The following AGBL4 variants were observed in gnomAD, a reference collection of about 807,000 sequenced individuals.
The protein encoded by AGBL4 is AGBL carboxypeptidase 4.
Under a neutral mutation model 66.4 loss-of-function variants are expected in AGBL4, and 58 were observed. The observed-to-expected ratio is 0.87, with a 90% confidence interval of 0.71 to 1.09. AGBL4 has a LOEUF of 1.09. Among genes scored for constraint, AGBL4 ranks in the 50% least tolerant of loss-of-function variants. AGBL4 has a pLI of 0.00. For synonymous variants in AGBL4, 234 were observed against 222.9 expected (o/e 1.05, Z -0.44); for missense variants, 579 against 631.0 (o/e 0.92, Z 0.88).
At chr1:48,559,184 C>CA (rs1644361793) in intron 11 of AGBL4, among the ~76,000 whole-genome samples, 1 of 152,174 alleles carries the variant, frequency 6.6e-6, no homozygotes, top group Non-Finnish European at 1.5e-5. Context: ...CCAAGCAGAA[C>CA]TGCTGATGGC....
At chr1:49,916,141 G>A (rs891054165) in intron 1 of AGBL4, among the ~76,000 whole-genome samples, 24 of 152,140 alleles carry the variant, frequency 1.6e-4, no homozygotes, top group Non-Finnish European at 3.1e-4. Context: ...GGAAAAAACA[G>A]AGCAGAAAAG....
chr1:49,722,873 G>T (rs1648718296), intron 2 of AGBL4, among the ~76,000 whole-genome samples: 1 of 152,036 alleles, frequency 6.6e-6, no homozygotes, highest in African/African-American at 2.4e-5. Context: ...TGAGGAATGT[G>T]AGCCCCTTTT....
chr1:49,169,835 C>G (rs188244538), intron 4 of AGBL4, among the ~76,000 whole-genome samples: 1 of 152,218 alleles, frequency 6.6e-6, no homozygotes, highest in East Asian at 1.9e-4. Context: ...GACCAGAATC[C>G]AAGTTTGCAT....
intron 3 of AGBL4, among the ~76,000 whole-genome samples, chr1:49,565,444 G>A (rs1265325262): frequency 6.6e-6 from 1 of 152,128 alleles, no homozygotes; most frequent in Non-Finnish European, 1.5e-5. Flanking sequence ...GCTGGTACTG[G>A]TTGTTCCCTT....
chr1:49,148,088 T>C lies in AGBL4; in HGVS notation c.377+97682A>G, dbSNP rs542032563. On this transcript the variant is annotated intron_variant, in intron 4 of 13. Transcript: ENST00000371839. ...CCATGGGTAAATCACCTCACTTCTC[T>C]GAGCCTTGATTTCTTCATATCATCA... Among the ~76,000 whole-genome samples, 36 of 152,326 alleles carry C rather than the reference T, an allele frequency of 2.4e-4. 1 individual carries two copies. In the South Asian group the frequency reaches 7.2e-3, roughly 31 times the overall value.
chr1:49,279,557 A>G (rs1003880619), intron 3 of AGBL4, among the ~76,000 whole-genome samples: 4 of 151,970 alleles, frequency 2.6e-5, no homozygotes, highest in Non-Finnish European at 5.9e-5. Flanking sequence ...TGGGAAAAAG[A>G]AGACCCGTCT....
chr1:48,688,957 C>T (rs994888585), intron 6 of AGBL4, among the ~76,000 whole-genome samples: 2 of 151,988 alleles, frequency 1.3e-5, no homozygotes, highest in Non-Finnish European at 1.5e-5. Context: ...TGGCATCTAT[C>T]AGGCAGTGGA....
At chr1:48,949,901 C>T (rs540964927) in intron 5 of AGBL4, among the ~76,000 whole-genome samples, 1 of 152,256 alleles carries the variant, frequency 6.6e-6, no homozygotes, top group East Asian at 1.9e-4. Context: ...TTTACCTAAA[C>T]AGGAAATTCT....
At chr1:48,913,527 G>A (rs573559336) in intron 5 of AGBL4, among the ~76,000 whole-genome samples, 16 of 152,062 alleles carry the variant, frequency 1.1e-4, no homozygotes, top group Admixed American at 7.2e-4. Context: ...TCATAGGAGC[G>A]TGAACCCTAT....
chr1:49,936,239 G>A (rs981406915), intron 1 of AGBL4, among the ~76,000 whole-genome samples: 35 of 152,156 alleles, frequency 2.3e-4, no homozygotes, highest in African/African-American at 6.3e-4. Flanking sequence ...GGGTATCAGC[G>A]ATGGAAGATG....
At chr1:49,963,656 G>T (rs1041155645) in intron 1 of AGBL4, among the ~76,000 whole-genome samples, 2 of 152,070 alleles carry the variant, frequency 1.3e-5, no homozygotes, top group African/African-American at 4.8e-5. Context: ...ACTGAATTCA[G>T]GGTTCTGAAT....
At chr1:49,024,478 C>T (rs1459578031) in intron 5 of AGBL4, among the ~76,000 whole-genome samples, 1 of 152,088 alleles carries the variant, frequency 6.6e-6, no homozygotes, top group Non-Finnish European at 1.5e-5. Context: ...TCATCTACTC[C>T]TTAATTTCTT....
At chr1:49,561,636 C>T (rs1401774978) in intron 3 of AGBL4, among the ~76,000 whole-genome samples, 3 of 152,064 alleles carry the variant, frequency 2.0e-5, no homozygotes, top group Non-Finnish European at 2.9e-5. Context: ...AGGACATGAA[C>T]TCATCATTTT....
intron 1 of AGBL4, among the ~76,000 whole-genome samples, chr1:49,999,169 C>G (rs1271147134): frequency 6.6e-6 from 1 of 151,226 alleles, no homozygotes; most frequent in Non-Finnish European, 1.5e-5. Context: ...GATCATATAC[C>G]CAGAAAACCC....
At chr1:49,749,866 A>G (rs1035751743) in intron 2 of AGBL4, among the ~76,000 whole-genome samples, 8 of 152,284 alleles carry the variant, frequency 5.3e-5, no homozygotes, top group African/African-American at 1.9e-4. Flanking sequence ...TACATCGTAT[A>G]TGAAAATGTA....
intron 3 of AGBL4, among the ~76,000 whole-genome samples, chr1:49,382,495 G>A (rs1644641255): frequency 1.3e-5 from 2 of 151,736 alleles, no homozygotes; most frequent in Admixed American, 1.3e-4. Flanking sequence ...CAACAAACTG[G>A]GAATAGAAGG....
intron 5 of AGBL4, among the ~76,000 whole-genome samples, chr1:48,889,989 C>CGTGTGTGTGT (rs10557498): frequency 1.4e-4 from 21 of 148,752 alleles, no homozygotes; most frequent in South Asian, 8.6e-4. Flanking sequence ...AGCCTGCTTG[C>CGTGTGTGTGT]GTGTGTGTGT....
chr1:49,271,527 C>T (rs1274582722), intron 3 of AGBL4, among the ~76,000 whole-genome samples: 1 of 149,498 alleles, frequency 6.7e-6, no homozygotes, highest in Non-Finnish European at 1.5e-5. Context: ...CACACACACA[C>T]ACACACACAC....
At chr1:48,685,809 A>G (rs1570249099) in intron 6 of AGBL4, among the ~76,000 whole-genome samples, 1 of 151,882 alleles carries the variant, frequency 6.6e-6, no homozygotes, top group Non-Finnish European at 1.5e-5. Flanking sequence ...AATAAAATCT[A>G]CCTCCCATGA....
Sources: gnomAD v4.1 joint callset for allele counts (sites outside exome capture counted in the v4.1 genomes callset) on GRCh38, gnomAD v4.1.1 for gene constraint, MANE v1.5 for transcripts, NCBI Gene and HGNC (gene_info 2026-07-23, HGNC 2026-07-21) for gene names.